Variants in RBM20 observed in about 807,000 individuals in gnomAD.
RBM20 encodes the protein RNA-binding protein 20.
A neutral mutation model predicts 110.1 loss-of-function variants in RBM20; 51 were observed. The observed-to-expected ratio is 0.46, with a 90% CI of 0.37 to 0.59. RBM20 has a LOEUF of 0.59. Ranked by LOEUF, RBM20 falls within the 20% of genes least tolerant of loss-of-function variation. RBM20 has a pLI of 0.00. For synonymous variants in RBM20, 589 were observed against 618.2 expected, an observed-to-expected ratio of 0.95 and a Z score of 0.70; for missense variants, 1,512 against 1,574.9, an observed-to-expected ratio of 0.96 and a Z score of 0.68.
intron 9 of RBM20, among the ~76,000 whole-genome samples, chr10:110,819,121 C>G (rs1844877579): frequency 6.6e-6 from 1 of 152,182 alleles, no homozygotes. Context: ...CCAAGAATGT[C>G]CTAGAACTGC....
intron 1 of RBM20, among the ~76,000 whole-genome samples, chr10:110,775,388 A>G (rs1017430892): frequency 6.6e-6 from 1 of 152,180 alleles, no homozygotes; most frequent in Non-Finnish European, 1.5e-5. Flanking sequence ...AGGCACTACC[A>G]TGCTCTGGGC....
intron 1 of RBM20, among the ~76,000 whole-genome samples, chr10:110,722,847 T>G (rs1327010169): frequency 6.6e-6 from 1 of 152,110 alleles, no homozygotes; most frequent in Non-Finnish European, 1.5e-5. Flanking sequence ...CATGGTGGCT[T>G]AAACCTGTAA....
intron 1 of RBM20, among the ~76,000 whole-genome samples, chr10:110,718,924 C>T (rs781195031): frequency 3.3e-5 from 5 of 152,016 alleles, no homozygotes; most frequent in Non-Finnish European, 4.4e-5. Flanking sequence ...CCTAATTCTA[C>T]TTCTTTTTTA....
At chr10:110,787,890 A>G (rs564592077) in intron 5 of RBM20, among the ~76,000 whole-genome samples, 5 of 152,148 alleles carry the variant, frequency 3.3e-5, no homozygotes, top group African/African-American at 1.2e-4. Context: ...GTAGGATGAT[A>G]ATAAAAACAA....
intron 1 of RBM20, among the ~76,000 whole-genome samples, chr10:110,702,313 G>A (rs1268875439): frequency 6.6e-6 from 1 of 152,134 alleles, no homozygotes; most frequent in Non-Finnish European, 1.5e-5. Context: ...GCCTAGGTGG[G>A]AGGATCACCT....
chr10:110,748,059 T>C (rs936466814), intron 1 of RBM20, among the ~76,000 whole-genome samples: 1 of 152,218 alleles, frequency 6.6e-6, no homozygotes, highest in Admixed American at 6.5e-5. Flanking sequence ...GTTCACACAG[T>C]GTTTGAAGTA....
At chr10:110,807,527 G>A (rs1438689651) in intron 7 of RBM20, among the ~76,000 whole-genome samples, 2 of 152,188 alleles carry the variant, frequency 1.3e-5, no homozygotes, top group Non-Finnish European at 2.9e-5. Flanking sequence ...GATAACCAAC[G>A]TGCAGAAGGG....
Position 110,829,077 on chromosome 10 carries a change from C to A in RBM20, c.3452-1984C>A, listed in dbSNP as rs143372342. Among the ~76,000 whole-genome samples the A allele has an allele frequency of 7.9e-3, 1,203 of 152,304 alleles. 17 individuals carry two copies. The highest frequency in any genetic ancestry group is 0.028 in the African/African-American group (1,149 of 41,550). ...CCAGGGCTTCTTTCCTGGTACCACC[C>A]AGCTGGTTCATCCTCCAGAGGCTGG... is the stretch of plus-strand genomic sequence containing the variant. On this transcript the variant is annotated intron_variant, in intron 12 of 13. Coordinates refer to ENST00000369519, the MANE Select transcript of RBM20 (RefSeq NM_001134363.3).
At position 110,682,051 on chromosome 10, in the gene RBM20, G is replaced by A. The variant is rs150985119; in HGVS notation, c.191+37406G>A. Among the ~76,000 whole-genome samples, 667 of 152,048 alleles carry A rather than the reference G, an allele frequency of 4.4e-3. 6 individuals are homozygous for A. The highest frequency in any genetic ancestry group is 0.016 in the Admixed American group (237 of 15,268). On this transcript the variant is annotated intron_variant, in intron 1 of 13. Coordinates refer to ENST00000369519, the MANE Select transcript of RBM20 (RefSeq NM_001134363.3). ...ATTACAGTTGCCCATCACCATGCCC[G>A]GCTAATTTTTTTGTATTTTTAGTAG...
intron 1 of RBM20, among the ~76,000 whole-genome samples, chr10:110,758,773 A>T (rs1459512501): frequency 6.6e-6 from 1 of 152,160 alleles, no homozygotes; most frequent in Non-Finnish European, 1.5e-5. Flanking sequence ...TAAATAGAAA[A>T]ATGTGGCAAA....
Position 110,649,051 on chromosome 10 carries a change from C to T in RBM20, c.191+4406C>T, listed in dbSNP as rs181419883. Reference sequence around the variant, plus strand: ...CTATCCATGTATTCTTTTGCTACCTCCTTCGCAGTTTATCTAATTAATAAT... The same window carrying T: ...CTATCCATGTATTCTTTTGCTACCTTCTTCGCAGTTTATCTAATTAATAAT... On this transcript the variant is annotated intron_variant, in intron 1 of 13. Transcript: ENST00000369519. Among the ~76,000 whole-genome samples the T allele has an allele frequency of 3.3e-5, 5 of 152,126 alleles. 1 individual carries two copies.
At position 110,781,127 on chromosome 10, in the gene RBM20, C is replaced by T. The variant is rs1295156292; in HGVS notation, c.518C>T (p.Pro173Leu). Residue 173 changes from proline (P) to leucine (L), a missense_variant, in exon 2 of 14, where the codon CCC becomes CTC. Around this residue, in one of 3 missense-constraint regions of RBM20, gnomAD observed 1,149 missense variants for 1,169.4 expected, o/e 0.98. Coordinates refer to ENST00000369519, the MANE Select transcript of RBM20 (RefSeq NM_001134363.3). ...RFPSNAIAFS[P>L]PSQTRGPGPS... ...CCCTCTAATGCAATTGCCTTTTCACCCCCCAGCCAGACACGAGGCCCCGGA... is the reference window on the plus strand; with the variant it reads ...CCCTCTAATGCAATTGCCTTTTCACTCCCCAGCCAGACACGAGGCCCCGGA... 1 of 1,551,754 alleles carries T rather than the reference C, an allele frequency of 6.4e-7. No individual in the cohort carries two copies.
intron 1 of RBM20, among the ~76,000 whole-genome samples, chr10:110,645,255 G>A (rs1464552859): frequency 1.3e-5 from 2 of 152,170 alleles, no homozygotes; most frequent in Non-Finnish European, 2.9e-5. Context: ...TTCTCAGGTC[G>A]GCCTTCCCAA....
Position 110,711,329 on chromosome 10 carries a change from C to CAAAAAAAAAAAA in RBM20, c.191+66701_191+66712dup, listed in dbSNP as rs1157753270. On this transcript the variant is annotated intron_variant, in intron 1 of 13. Transcript: ENST00000369519. ...TGGGAGACAGAGTGAGACTCCATCT[C>CAAAAAAAAAAAA]AAAAAAAAAAAAAAAAAAAAAAAAA... Among the ~76,000 whole-genome samples the CAAAAAAAAAAAA allele has an allele frequency of 1.8e-4, 5 of 28,402 alleles. 1 individual carries two copies. The highest frequency in any genetic ancestry group is 2.9e-4 in the Non-Finnish European group (5 of 17,170). The allele number at this position is 28,402 out of a possible 152,430, so 18.6% of individuals were successfully genotyped here. A position where few individuals can be genotyped will look rare whatever the true frequency, so the allele number is the denominator to read the frequency against.
Position 110,812,765 on chromosome 10 carries a change from C to T in RBM20, c.2368C>T (p.Leu790=). The T allele has an allele frequency of 6.4e-7, 1 of 1,551,694 alleles. No individual in the cohort carries two copies. Among genetic ancestry groups the T allele is most frequent in the Non-Finnish European group, 8.7e-7 (1 of 1,146,988 alleles). ...GTCCAGGAGGAAAGACGAGGCCAGG[C>T]TGCGGGAAAGCAGACACCCCCATCC... The part of the protein sequence containing the change: ...GRSRRKDEAR[L]RESRHPHPDD... Residue 790 remains leucine (L), a synonymous_variant, in exon 9 of 14, where the codon CTG becomes TTG. Coordinates refer to ENST00000369519, the MANE Select transcript of RBM20 (RefSeq NM_001134363.3).
intron 9 of RBM20, among the ~76,000 whole-genome samples, chr10:110,814,573 G>A (rs919310854): frequency 2.0e-5 from 3 of 152,082 alleles, no homozygotes; most frequent in Admixed American, 2.0e-4. Flanking sequence ...TCAGCTCACG[G>A]CAACCTCTGC....
intron 5 of RBM20, among the ~76,000 whole-genome samples, chr10:110,792,896 CAGAG>C (rs1025669246): frequency 1.3e-5 from 2 of 152,090 alleles, no homozygotes; most frequent in Non-Finnish European, 2.9e-5. Context: ...GCCAATTACA[CAGAG>C]AGAGAGGACA....
chr10:110,810,794 CGTGTGTGTGTGTGT>C (rs111830546), intron 8 of RBM20, among the ~76,000 whole-genome samples: 1 of 147,300 alleles, frequency 6.8e-6, no homozygotes, highest in Non-Finnish European at 1.5e-5. Flanking sequence ...AAAAGTAATG[CGTGTGTGTGTGTGT>C]GTGTGTGCGT....
At position 110,784,448 on chromosome 10, in the gene RBM20, C is replaced by T; in HGVS notation, c.1429+16C>T. ...GGGAATGAAGGTGAGCAAGGCCCTA[C>T]AGGTCAGCAGCTTGAAGCAGAAGTG... On this transcript the variant is annotated intron_variant, in intron 4 of 13. Transcript: ENST00000369519. 6.5e-7 allele frequency: 1 copy of T among 1,540,396 alleles called. No homozygotes were observed. Among genetic ancestry groups the T allele is most frequent in the Non-Finnish European group, 8.8e-7 (1 of 1,136,924 alleles).
Sources: gnomAD v4.1 joint callset for allele counts (sites outside exome capture counted in the v4.1 genomes callset) on GRCh38, gnomAD v4.1.1 for gene constraint, gnomAD v4.1.1 regional missense constraint, MANE v1.5 for transcripts, NCBI Gene and HGNC (gene_info 2026-07-23, HGNC 2026-07-21) for gene names.